UQCRC2: variants seen among roughly 807,000 people sequenced by gnomAD.
UQCRC2 encodes the protein cytochrome b-c1 complex subunit 2, mitochondrial.
Under a neutral mutation model 55.6 loss-of-function variants are expected in UQCRC2, and 49 were observed. The ratio of observed to expected loss-of-function variants is 0.88; its 90% CI spans 0.70 to 1.12. The LOEUF (loss-of-function observed/expected upper bound fraction) is 1.12, where lower values mean the gene tolerates loss of function less well. Ranked by LOEUF, UQCRC2 falls within the 50% of genes most tolerant of loss-of-function variation. UQCRC2 has a pLI of 0.00. For missense variants in UQCRC2, 506 were observed against 547.8 expected, an observed-to-expected ratio of 0.92 and a Z score of 0.76; for synonymous variants, 193 against 192.0, an observed-to-expected ratio of 1.01 and a Z score of -0.04.
chr16:21,971,828 C>T (rs918277086), intron 9 of UQCRC2, 95 bp from the exon 10 acceptor site: 18 of 1,547,446 alleles, frequency 1.2e-5, no homozygotes, highest in African/African-American at 2.7e-5. Context: ...AGAAAAGACT[C>T]GTGGGTTAAT....
chr16:21,972,795 T>C (rs1016523321), intron 10 of UQCRC2, among the ~76,000 whole-genome samples: 1 of 151,254 alleles, frequency 6.6e-6, no homozygotes, highest in East Asian at 1.9e-4. Context: ...GGCCTCAGAA[T>C]TATAATTAAA....
intron 10 of UQCRC2, among the ~76,000 whole-genome samples, chr16:21,972,458 G>A (rs952851947): frequency 6.6e-6 from 1 of 152,062 alleles, no homozygotes; most frequent in Non-Finnish European, 1.5e-5. Context: ...ATTTTCTTCT[G>A]TCCGCTTCTG....
intron 7 of UQCRC2, 171 bp from the exon 8 acceptor site, chr16:21,968,456 GT>G (rs1567474409): frequency 4.2e-6 from 2 of 476,290 alleles, no homozygotes; most frequent in Non-Finnish European, 7.2e-6. Context: ...TTAAGCAATA[GT>G]TTTTATAATA....
At chr16:21,976,057 G>A (rs1454031616) in intron 11 of UQCRC2, 110 bp from the exon 12 acceptor site, 1 of 690,830 alleles carries the variant, frequency 1.4e-6, no homozygotes, top group Non-Finnish European at 2.6e-6. Flanking sequence ...TGTGCTGTTT[G>A]TCTGGAACTA....
intron 6 of UQCRC2, among the ~76,000 whole-genome samples, chr16:21,963,970 T>A (rs1391281649): frequency 6.6e-6 from 1 of 152,356 alleles, no homozygotes; most frequent in East Asian, 1.9e-4. Context: ...TCTAATTATA[T>A]AATCTTGACA....
At chr16:21,973,464 T>C (rs1898511395) in intron 10 of UQCRC2, among the ~76,000 whole-genome samples, 1 of 152,076 alleles carries the variant, frequency 6.6e-6, no homozygotes, top group African/African-American at 2.4e-5. Flanking sequence ...TAAGCAGAAA[T>C]TTTTCTCTAA....
At position 21,980,632 on chromosome 16, in the gene UQCRC2, G is replaced by A. The variant is rs181040575; in HGVS notation, c.1210G>A (p.Gly404Ser). 6.2e-6 allele frequency: 10 copies of A among 1,614,006 alleles called. No individual in the cohort carries two copies. The highest frequency in any genetic ancestry group is 8.5e-6 in the Non-Finnish European group (10 of 1,180,008). ...EEVGSQALVA[G>S]SYMPPSTVLQ... ...AGTCGGGTCCCAGGCTCTAGTTGCT[G>A]GTTCTTACATGCCACCATCCACAGT... Residue 404 changes from glycine (G) to serine (S), a missense_variant, in exon 13 of 14, where the codon GGT (glycine) becomes AGT (serine). Physicochemically the swap from Gly to Ser is moderately conservative, Grantham distance 56. Transcript: ENST00000268379.
Position 21,983,201 on chromosome 16 carries a change from G to T in UQCRC2, c.*30G>T, listed in dbSNP as rs1898779040. 6.3e-7 allele frequency: 1 copy of T among 1,581,770 alleles called. No homozygotes were observed. On this transcript the variant is annotated 3_prime_UTR_variant, in exon 14 of 14. Coordinates refer to ENST00000268379, the MANE Select transcript of UQCRC2 (RefSeq NM_003366.4). ...GATGCACACATTACAGGAGAGAGCT[G>T]AACGTTCTCTCAGCCCAGAGCAGCA...
At chr16:21,957,372 T>C in intron 2 of UQCRC2, 45 bp from the exon 3 acceptor site, 1 of 1,613,952 alleles carries the variant, frequency 6.2e-7, no homozygotes, top group East Asian at 2.2e-5. Context: ...CTCTCCTTGG[T>C]AATACGAAGA....
rs562345404 is a variant in UQCRC2 at position 21,953,809 on chromosome 16, C to G, written c.33+353C>G. 1.0e-3 allele frequency among the ~76,000 whole-genome samples: 155 copies of G among 152,322 alleles called. 2 individuals carry two copies. In the Middle Eastern group the frequency reaches 0.017, roughly 17 times the overall value. ...GACGGCGCACTTAGCCCCCCACCTT[C>G]ACTTTATCCGCTGCAGCCTCTGCTC... On this transcript the variant is annotated intron_variant, in intron 1 of 13. Coordinates refer to ENST00000268379, the MANE Select transcript of UQCRC2 (RefSeq NM_003366.4).
rs1482832861 is a variant in UQCRC2 at position 21,971,716 on chromosome 16, G to C, written c.766+96G>C. ...GGAATAGGCCTGAATATTTACTACT[G>C]AACAGTCTCGGCATAGAATTGGATG... On this transcript the variant is annotated intron_variant, in intron 9 of 13. Transcript: ENST00000268379. 5.1e-6 allele frequency: 7 copies of C among 1,376,944 alleles called. No individual in the cohort carries two copies. The African/African-American group carries it at 1.0e-4, about 20-fold the overall frequency. 85.3% of individuals were successfully genotyped at this position (1,376,944 alleles called of 1,614,324 possible). A position where few individuals can be genotyped will look rare whatever the true frequency, so the allele number is the denominator to read the frequency against.
chr16:21,965,627 G>C (rs1898307785), intron 7 of UQCRC2, 122 bp downstream of exon 7: 1 of 781,434 alleles, frequency 1.3e-6, no homozygotes, highest in Non-Finnish European at 1.8e-6. Context: ...CAGCGTGCTA[G>C]CTTTTTCATC....
intron 12 of UQCRC2, chr16:21,976,945 C>G (rs1898601231): frequency 6.6e-6 from 1 of 152,050 alleles, no homozygotes; most frequent in African/African-American, 2.4e-5. Context: ...TATCTTTGGG[C>G]TTAAAATATT....
intron 12 of UQCRC2, among the ~76,000 whole-genome samples, chr16:21,977,490 T>G (rs865839992): frequency 2.0e-5 from 3 of 152,180 alleles, no homozygotes; most frequent in Non-Finnish European, 4.4e-5. Context: ...AAAAAAGATC[T>G]GATTTTGTTT....
At chr16:21,976,455 G>T in intron 12 of UQCRC2, 1 of 426,066 alleles carries the variant, frequency 2.3e-6, no homozygotes. Flanking sequence ...ACTTTGGGAG[G>T]CCAAGGCAGG....
At chr16:21,962,540 AC>A (rs1483650331) in intron 5 of UQCRC2, 24 bp downstream of exon 5, 4 of 1,613,998 alleles carry the variant, frequency 2.5e-6, no homozygotes, top group Non-Finnish European at 3.4e-6. Flanking sequence ...TGTGTTTAGG[AC>A]TTCTGCTTTG....
chr16:21,962,961 A>AT, intron 6 of UQCRC2, 76 bp downstream of exon 6: 1 of 1,496,384 alleles, frequency 6.7e-7, no homozygotes, highest in Non-Finnish European at 8.9e-7. Context: ...AAGAAAAAAA[A>AT]TTGCTGTCAA....
intron 1 of UQCRC2, among the ~76,000 whole-genome samples, chr16:21,956,541 C>T (rs1898089826): frequency 6.6e-6 from 1 of 152,076 alleles, no homozygotes; most frequent in East Asian, 1.9e-4. Context: ...ACGACTCCAA[C>T]TCAACAAAAA....
rs1188117872 is a variant in UQCRC2, at chr16:21,962,766, T to C, written c.395T>C (p.Ile132Thr). 2.5e-6 allele frequency: 4 copies of C among 1,614,148 alleles called. No homozygotes were observed. The highest frequency in any genetic ancestry group is 4.5e-5 in the East Asian group (2 of 44,886). ...TVECLRGDVD[I>T]LMEFLLNVTT... ...TATCTCGATGTCTTCTGTAGTGATA[T>C]TCTAATGGAGTTCCTGCTCAATGTC... The change falls in exon 6 of 14, where the codon ATT (isoleucine) becomes ACT (threonine). Residue 132 changes from isoleucine to threonine, a missense_variant. Transcript: ENST00000268379.
Sources: gnomAD v4.1 joint callset for allele counts (sites outside exome capture counted in the v4.1 genomes callset) on GRCh38, gnomAD v4.1.1 for gene constraint, MANE v1.5 for transcripts, NCBI Gene and HGNC (gene_info 2026-07-23, HGNC 2026-07-21) for gene names.